The following CACNA2D3 variants were observed in gnomAD, a reference collection of about 807,000 sequenced individuals.
CACNA2D3 encodes the protein voltage-dependent calcium channel subunit alpha-2/delta-3.
CACNA2D3 carries 60 observed loss-of-function variants against 160.6 expected under a neutral mutation model. That is an observed-to-expected ratio of 0.37 (90% confidence interval 0.30 to 0.46). CACNA2D3 has a LOEUF of 0.46. Among genes scored for constraint, CACNA2D3 ranks in the 20% least tolerant of loss-of-function variants. The pLI is 1.00. For missense variants in CACNA2D3, 1,205 were observed against 1,365.0 expected, an observed-to-expected ratio of 0.88 and a Z score of 1.85; for synonymous variants, 558 against 492.9, an observed-to-expected ratio of 1.13 and a Z score of -1.75.
At chr3:54,551,391 T>C (rs991370794) in intron 5 of CACNA2D3, among the ~76,000 whole-genome samples, 2 of 152,238 alleles carry the variant, frequency 1.3e-5, no homozygotes, top group Non-Finnish European at 2.9e-5. Flanking sequence ...AAATGCATAC[T>C]ATATCCAGTA....
intron 13 of CACNA2D3, among the ~76,000 whole-genome samples, chr3:54,768,383 A>G (rs1255997944): frequency 6.6e-6 from 1 of 152,204 alleles, no homozygotes; most frequent in Non-Finnish European, 1.5e-5. Context: ...ATATAAGTTC[A>G]TGAAGCAGAT....
At chr3:54,513,472 A>G (rs1008611899) in intron 5 of CACNA2D3, among the ~76,000 whole-genome samples, 18 of 152,180 alleles carry the variant, frequency 1.2e-4, no homozygotes, top group Admixed American at 2.6e-4. Context: ...AGCAGGAACC[A>G]TTACTAATTC....
chr3:54,411,395 A>G (rs192270086), intron 4 of CACNA2D3, among the ~76,000 whole-genome samples: 17 of 152,286 alleles, frequency 1.1e-4, no homozygotes, highest in Admixed American at 2.6e-4. Context: ...TTATTGTCTT[A>G]TTTTAAGAAA....
At chr3:54,843,019 C>T (rs1487072459) in intron 16 of CACNA2D3, among the ~76,000 whole-genome samples, 1 of 149,632 alleles carries the variant, frequency 6.7e-6, no homozygotes, top group African/African-American at 2.5e-5. Flanking sequence ...ACTCTGTTGC[C>T]CAGGCTAGAG....
At chr3:54,218,106 ACTC>A (rs1352667597) in intron 2 of CACNA2D3, among the ~76,000 whole-genome samples, 1 of 151,924 alleles carries the variant, frequency 6.6e-6, no homozygotes, top group South Asian at 2.1e-4. Context: ...GACTCCCCAA[ACTC>A]CTGGAAAGCC....
At chr3:54,123,485 T>C (rs754603088) in intron 1 of CACNA2D3, 28 bp from the exon 2 acceptor site, 3 of 1,568,272 alleles carry the variant, frequency 1.9e-6, no homozygotes, top group Admixed American at 3.3e-5. Flanking sequence ...GGGTGTTACA[T>C]ATCTTCCTGT....
chr3:54,386,641 T>C, intron 3 of CACNA2D3, 74 bp from the exon 4 acceptor site: 1 of 1,357,878 alleles, frequency 7.4e-7, no homozygotes, highest in South Asian at 1.3e-5. Context: ...TCACTTTTGG[T>C]CAATGGAGAA....
intron 11 of CACNA2D3, among the ~76,000 whole-genome samples, chr3:54,743,987 CT>C: frequency 6.6e-6 from 1 of 152,298 alleles, no homozygotes; most frequent in African/African-American, 2.4e-5. Context: ...CTGTCTGTCC[CT>C]TCCATCCCTG....
intron 4 of CACNA2D3, among the ~76,000 whole-genome samples, chr3:54,447,396 C>T (rs1038705294): frequency 2.6e-5 from 4 of 152,192 alleles, no homozygotes; most frequent in Non-Finnish European, 4.4e-5. Context: ...CTGGTTCAAG[C>T]CTAAGAACCT....
chr3:55,035,230 G>A (rs111254766), intron 35 of CACNA2D3, among the ~76,000 whole-genome samples: 90 of 152,286 alleles, frequency 5.9e-4, no homozygotes, highest in African/African-American at 2.2e-3. Context: ...GCTTTTGTTA[G>A]TAATTATTTA....
At chr3:54,924,587 C>G in intron 27 of CACNA2D3, 4 of 1,531,122 alleles carry the variant, frequency 2.6e-6, no homozygotes, top group South Asian at 2.3e-5. Flanking sequence ...TGGTAACACA[C>G]AGATGGGGGG....
chr3:54,291,127 A>T (rs1288565352), intron 2 of CACNA2D3, among the ~76,000 whole-genome samples: 1 of 152,228 alleles, frequency 6.6e-6, no homozygotes, highest in African/African-American at 2.4e-5. Context: ...TTGCATACCA[A>T]AATACAAATT....
At chr3:54,518,585 G>C (rs1413375988) in intron 5 of CACNA2D3, among the ~76,000 whole-genome samples, 4 of 152,194 alleles carry the variant, frequency 2.6e-5, no homozygotes, top group Non-Finnish European at 5.9e-5. Flanking sequence ...TTTGTGCCTG[G>C]TATTCTTGAT....
chr3:54,763,087 CA>C (rs10662094), intron 12 of CACNA2D3, among the ~76,000 whole-genome samples: 47 of 120,624 alleles, frequency 3.9e-4, no homozygotes, highest in Non-Finnish European at 4.7e-4. Flanking sequence ...GACTCCATCT[CA>C]AAAAAAAAAA....
At chr3:54,637,699 C>T (rs759892530) in intron 10 of CACNA2D3, 3 of 151,972 alleles carry the variant, frequency 2.0e-5, no homozygotes, top group African/African-American at 4.9e-5. Context: ...ACCTAAAGCT[C>T]GGCGTCCATG....
chr3:54,129,870 T>C (rs1482110419), intron 2 of CACNA2D3, among the ~76,000 whole-genome samples: 1 of 152,250 alleles, frequency 6.6e-6, no homozygotes, highest in Non-Finnish European at 1.5e-5. Flanking sequence ...ATGCTGCTCA[T>C]CACAGAACGT....
At chr3:54,775,718 T>C (rs1232477887) in intron 13 of CACNA2D3, among the ~76,000 whole-genome samples, 2 of 152,160 alleles carry the variant, frequency 1.3e-5, no homozygotes, top group Non-Finnish European at 2.9e-5. Flanking sequence ...TTCGGCCTTA[T>C]TTTTCTTCAT....
At chr3:54,706,132 G>A (rs1700854121) in intron 11 of CACNA2D3, among the ~76,000 whole-genome samples, 1 of 152,200 alleles carries the variant, frequency 6.6e-6, no homozygotes, top group Non-Finnish European at 1.5e-5. Context: ...TTGACTAGAA[G>A]CATTTGCGTG....
intron 4 of CACNA2D3, among the ~76,000 whole-genome samples, chr3:54,412,546 T>G (rs1247662509): frequency 6.6e-6 from 1 of 151,624 alleles, no homozygotes; most frequent in Non-Finnish European, 1.5e-5. Flanking sequence ...CAGCAGTAGC[T>G]TTTATATGGT....
Sources: allele counts gnomAD v4.1 joint callset (sites outside exome capture counted in the v4.1 genomes callset), GRCh38; gene constraint gnomAD v4.1.1; transcripts MANE v1.5; gene names NCBI Gene and HGNC (gene_info 2026-07-23, HGNC 2026-07-21).